The following NBAS variants were observed in gnomAD, a reference collection of about 807,000 sequenced individuals.
NBAS encodes the protein NBAS subunit of NRZ tethering complex, also known as NAG/BC035112 fusion.
NBAS carries 219 observed loss-of-function variants against 302.5 expected under a neutral mutation model. The observed-to-expected ratio is 0.72, with a 90% CI of 0.65 to 0.81. The LOEUF is 0.81. Ranked by LOEUF, NBAS falls within the 30% of genes least tolerant of loss-of-function variation. NBAS has a pLI of 0.00. For synonymous variants in NBAS, 1,118 were observed against 1,021.6 expected (o/e 1.09, Z -1.80); for missense variants, 2,932 against 2,841.6 (o/e 1.03, Z -0.72).
At chr2:15,108,701 T>C in the NBAS span, among the ~76,000 whole-genome samples, 1 of 152,090 alleles carries the variant, frequency 6.6e-6, no homozygotes, top group Non-Finnish European at 1.5e-5. Context: ...CGTGTGAAGT[T>C]CATAGTTTTG....
At chr2:15,365,381 A>C (rs1050765267) in intron 32 of NBAS, among the ~76,000 whole-genome samples, 2 of 152,232 alleles carry the variant, frequency 1.3e-5, no homozygotes, top group African/African-American at 4.8e-5. Context: ...ATCAGAGTGC[A>C]TCAGAGTTTA....
chr2:14,836,457 T>G, the NBAS span, among the ~76,000 whole-genome samples: 1 of 151,966 alleles, frequency 6.6e-6, no homozygotes, highest in Non-Finnish European at 1.5e-5. Flanking sequence ...GAATTGATTT[T>G]GCATATATCT....
At chr2:15,118,644 G>A in the NBAS span, among the ~76,000 whole-genome samples, 6 of 152,270 alleles carry the variant, frequency 3.9e-5, no homozygotes, top group South Asian at 2.1e-4. Flanking sequence ...AAGGCTATAA[G>A]GACAGCCCAT....
intron 21 of NBAS, among the ~76,000 whole-genome samples, chr2:15,447,078 A>AAAT (rs753509652): frequency 2.0e-5 from 3 of 152,220 alleles, no homozygotes; most frequent in Non-Finnish European, 4.4e-5. Context: ...ACCAAATGCC[A>AAAT]ACACACGGGA....
the NBAS span, among the ~76,000 whole-genome samples, chr2:15,054,670 C>T: frequency 6.6e-6 from 1 of 152,304 alleles, no homozygotes; most frequent in Non-Finnish European, 1.5e-5. Flanking sequence ...AACATAGAAA[C>T]ACACTTGCAC....
chr2:15,530,442 T>C (rs1297547205), intron 9 of NBAS, among the ~76,000 whole-genome samples: 6 of 151,976 alleles, frequency 3.9e-5, no homozygotes, highest in East Asian at 1.9e-4. Flanking sequence ...ATAGGAAATA[T>C]ATCAGCAAAA....
Position 15,275,750 on chromosome 2 carries a change from T to A in NBAS, c.5458A>T (p.Ser1820Cys), listed in dbSNP as rs147093238. 2.7e-5 allele frequency: 44 copies of A among 1,614,076 alleles called. No individual in the cohort carries two copies. The highest frequency in any genetic ancestry group is 8.3e-5 in the Admixed American group (5 of 60,008). The change falls in exon 44 of 52, where the codon AGT (serine) becomes TGT (cysteine). Residue 1820 changes from serine (S) to cysteine (C), a missense_variant. Ser to Cys is a moderately radical substitution (Grantham distance 112). Transcript: ENST00000281513. ...TTGGAAATAGACAAGATATTTTGACTTGAAAGAACTGGCTCCAATGCTTCA... is the reference window on the plus strand; with the variant it reads ...TTGGAAATAGACAAGATATTTTGACATGAAAGAACTGGCTCCAATGCTTCA... ...PLEALEPVLSSQNILSISKLV... is the reference protein window; with the variant it reads ...PLEALEPVLSCQNILSISKLV...
the NBAS span, among the ~76,000 whole-genome samples, chr2:14,975,436 C>A: frequency 1.3e-5 from 2 of 152,168 alleles, no homozygotes; most frequent in African/African-American, 4.8e-5. Flanking sequence ...CCCATTGATA[C>A]TACTTCTATC....
intron 10 of NBAS, among the ~76,000 whole-genome samples, chr2:15,505,979 A>C (rs984171156): frequency 6.6e-6 from 1 of 152,112 alleles, no homozygotes; most frequent in Admixed American, 6.5e-5. Flanking sequence ...TTATCTAAAA[A>C]ATAAAGAATA....
intron 21 of NBAS, among the ~76,000 whole-genome samples, chr2:15,453,265 G>C (rs1679101898): frequency 1.3e-5 from 2 of 152,158 alleles, no homozygotes; most frequent in Non-Finnish European, 2.9e-5. Context: ...AAGTACCAAA[G>C]CCATCAGTTA....
the NBAS span, among the ~76,000 whole-genome samples, chr2:15,083,124 A>G: frequency 6.6e-6 from 1 of 152,180 alleles, no homozygotes; most frequent in Non-Finnish European, 1.5e-5. Context: ...GACACCATGG[A>G]GCTCATCTTA....
In NBAS at chr2:15,383,333, A is replaced by C. The variant is rs1310594851; in HGVS notation, c.3258-16T>G. On this transcript the variant is annotated splice_polypyrimidine_tract_variant and intron_variant, in intron 28 of 51. Transcript: ENST00000281513. ...AGGAGGCTGCCTGGAAAAACACATAAAAAAGACAAGGAAGAGGGAAAGAAA... is the reference window on the plus strand; with the variant it reads ...AGGAGGCTGCCTGGAAAAACACATACAAAAGACAAGGAAGAGGGAAAGAAA... 1.9e-6 allele frequency: 3 copies of C among 1,605,178 alleles called. No individual in the cohort carries two copies. Among genetic ancestry groups the C allele is most frequent in the Non-Finnish European group, 2.6e-6 (3 of 1,171,996 alleles).
At chr2:15,353,783 G>A in intron 33 of NBAS, 73 bp from the exon 34 acceptor site, 1 of 1,592,468 alleles carries the variant, frequency 6.3e-7, no homozygotes. Context: ...CAAATGCAAT[G>A]GCTTCCTGCT....
At chr2:14,824,744 G>A in the NBAS span, among the ~76,000 whole-genome samples, 4 of 152,164 alleles carry the variant, frequency 2.6e-5, no homozygotes, top group Admixed American at 6.5e-5. Flanking sequence ...TGGGAAAGCA[G>A]TGGGAGCTGG....
chr2:14,880,452 T>C, the NBAS span, among the ~76,000 whole-genome samples: 1 of 151,828 alleles, frequency 6.6e-6, no homozygotes, highest in African/African-American at 2.4e-5. Flanking sequence ...TAGAAAACAA[T>C]ATCATTAATT....
At chr2:15,534,690 A>C in intron 8 of NBAS, 49 bp from the exon 9 acceptor site, 1 of 1,215,798 alleles carries the variant, frequency 8.2e-7, no homozygotes, top group Non-Finnish European at 1.2e-6. Flanking sequence ...AACCACAATG[A>C]ATATCACTAA....
At chr2:14,842,108 G>A in the NBAS span, among the ~76,000 whole-genome samples, 2 of 151,890 alleles carry the variant, frequency 1.3e-5, no homozygotes, top group Non-Finnish European at 1.5e-5. Flanking sequence ...AATAAATTAA[G>A]AGGGAAATTT....
At chr2:15,475,978 T>C (rs547858077) in intron 13 of NBAS, 98 bp from the exon 14 acceptor site, 3 of 976,506 alleles carry the variant, frequency 3.1e-6, no homozygotes, top group East Asian at 2.6e-5. Flanking sequence ...AAAATTTATC[T>C]ACATTATTTG....
At chr2:15,030,072 C>T in the NBAS span, among the ~76,000 whole-genome samples, 4 of 152,204 alleles carry the variant, frequency 2.6e-5, no homozygotes, top group African/African-American at 9.6e-5. Context: ...GCCTCCACAG[C>T]TCACCAGGGA....
Sources: gnomAD v4.1 joint callset for allele counts (sites outside exome capture counted in the v4.1 genomes callset) on GRCh38, gnomAD v4.1.1 for gene constraint, MANE v1.5 for transcripts, NCBI Gene and HGNC (gene_info 2026-07-23, HGNC 2026-07-21) for gene names.